CDH13: variants seen among roughly 807,000 people sequenced by gnomAD.
CDH13 encodes cadherin-13.
CDH13 carries 24 observed loss-of-function variants against 63.8 expected under a neutral mutation model. The observed-to-expected ratio is 0.38, with a 90% confidence interval of 0.27 to 0.53. The LOEUF (loss-of-function observed/expected upper bound fraction) is 0.53, where lower values mean the gene tolerates loss of function less well. Among genes scored for constraint, CDH13 ranks in the 20% least tolerant of loss-of-function variants. The pLI is 0.85. For missense variants in CDH13, 1,049 were observed against 903.1 expected, an observed-to-expected ratio of 1.16 and a Z score of -2.07; for synonymous variants, 503 against 355.3, an observed-to-expected ratio of 1.42 and a Z score of -4.67.
chr16:83,311,324 T>C (rs1157123384), intron 5 of CDH13, among the ~76,000 whole-genome samples: 1 of 124,684 alleles, frequency 8.0e-6, no homozygotes, highest in Non-Finnish European at 1.8e-5. Flanking sequence ...GCAAGGAGAT[T>C]GTTAAAAAAA....
At chr16:83,303,538 G>T (rs539974804) in intron 5 of CDH13, among the ~76,000 whole-genome samples, 2 of 152,286 alleles carry the variant, frequency 1.3e-5, no homozygotes, top group African/African-American at 4.8e-5. Flanking sequence ...TTAATTTCCA[G>T]GCTCTTTGTC....
Position 82,969,694 on chromosome 16 carries a change from G to A in CDH13, c.158-62316G>A, listed in dbSNP as rs150158607. ...GCACTGCAGTCATGACAATCAAAAT[G>A]TCTCCGGACATCGTAAAATTACCCC... On this transcript the variant is annotated intron_variant, in intron 2 of 13. Transcript: ENST00000567109. Among the ~76,000 whole-genome samples the A allele has an allele frequency of 1.5e-3, 231 of 152,130 alleles. 1 individual carries two copies. The highest frequency in any genetic ancestry group is 2.4e-3 in the Non-Finnish European group (163 of 67,986).
intron 10 of CDH13, among the ~76,000 whole-genome samples, chr16:83,707,747 C>T (rs1032298918): frequency 7.9e-5 from 11 of 139,608 alleles, no homozygotes; most frequent in South Asian, 2.2e-4. Flanking sequence ...AAATAGAAAG[C>T]GAGAAAGAGG....
At chr16:83,538,194 G>A (rs2075230734) in intron 7 of CDH13, among the ~76,000 whole-genome samples, 1 of 152,184 alleles carries the variant, frequency 6.6e-6, no homozygotes, top group African/African-American at 2.4e-5. Context: ...ATAAAGATTA[G>A]AGGAGGACTT....
At chr16:83,783,619 A>C in intron 13 of CDH13, 147 bp downstream of exon 13, 2 of 732,426 alleles carry the variant, frequency 2.7e-6, no homozygotes, top group African/African-American at 1.7e-5. Context: ...ATGATAGAAC[A>C]TGTTATATGT....
rs140278714 is a variant in CDH13, at chr16:82,830,698, G to A, written c.46-27664G>A. On this transcript the variant is annotated intron_variant, in intron 1 of 13. Coordinates refer to ENST00000567109, the MANE Select transcript of CDH13 (RefSeq NM_001257.5). ...ATGGACTATGTCTGTTTCTTCTAGC[G>A]CTTCATAGCTGTATTGACACATGTT... Among the ~76,000 whole-genome samples, 38 of 152,242 alleles carry A rather than the reference G, an allele frequency of 2.5e-4. 2 individuals carry two copies. Among genetic ancestry groups the A allele is most frequent in the South Asian group, 1.0e-3 (5 of 4,826 alleles).
chr16:83,615,656 G>A (rs552653665), intron 8 of CDH13, among the ~76,000 whole-genome samples: 1 of 152,188 alleles, frequency 6.6e-6, no homozygotes, highest in East Asian at 1.9e-4. Flanking sequence ...TTAAAGAAAT[G>A]GTATTTTTGG....
Position 83,661,248 on chromosome 16 carries a change from G to A in CDH13, c.1102-9542G>A, listed in dbSNP as rs1267120084. Among the ~76,000 whole-genome samples, 5 of 152,002 alleles carry A rather than the reference G, an allele frequency of 3.3e-5. No individual in the cohort carries two copies. The East Asian group carries it at 7.7e-4, about 23-fold the overall frequency. Reference sequence around the variant, plus strand: ...ACACCTATAATTGCAGCACTTTGCGGGACCAAGACAGGAGGATCACTTGAG... The same window carrying A: ...ACACCTATAATTGCAGCACTTTGCGAGACCAAGACAGGAGGATCACTTGAG... On this transcript the variant is annotated intron_variant, in intron 8 of 13. Coordinates refer to ENST00000567109, the MANE Select transcript of CDH13 (RefSeq NM_001257.5).
At chr16:82,801,563 C>T (rs547579478) in intron 1 of CDH13, among the ~76,000 whole-genome samples, 16 of 152,288 alleles carry the variant, frequency 1.1e-4, no homozygotes, top group South Asian at 6.2e-4. Flanking sequence ...TCAAGAACAG[C>T]AAGGTTACTA....
At chr16:83,109,996 C>A (rs900146544) in intron 3 of CDH13, among the ~76,000 whole-genome samples, 1 of 152,162 alleles carries the variant, frequency 6.6e-6, no homozygotes, top group Admixed American at 6.5e-5. Flanking sequence ...AATTTTCATC[C>A]AAAGCGTATG....
chr16:83,181,379 T>A (rs749916068), intron 4 of CDH13, among the ~76,000 whole-genome samples: 3 of 152,194 alleles, frequency 2.0e-5, no homozygotes, highest in Admixed American at 6.5e-5. Context: ...GCTAACAAGC[T>A]GTGGGTGGCT....
At chr16:83,657,097 T>G (rs559178742) in intron 8 of CDH13, among the ~76,000 whole-genome samples, 1 of 152,232 alleles carries the variant, frequency 6.6e-6, no homozygotes, top group Non-Finnish European at 1.5e-5. Context: ...GAATAAGATC[T>G]CAGCCCTGCA....
At chr16:83,135,281 C>T (rs1308187256) in intron 4 of CDH13, among the ~76,000 whole-genome samples, 1 of 152,190 alleles carries the variant, frequency 6.6e-6, no homozygotes, top group African/African-American at 2.4e-5. Context: ...TGCTGAGACC[C>T]AAAACCAAGA....
chr16:82,887,909 C>G (rs954724068), intron 2 of CDH13, among the ~76,000 whole-genome samples: 1 of 152,000 alleles, frequency 6.6e-6, no homozygotes, highest in African/African-American at 2.4e-5. Context: ...AGGTTAAGAA[C>G]GTGTTGAAAA....
intron 1 of CDH13, chr16:82,825,039 C>G (rs931645957): frequency 2.0e-5 from 3 of 152,126 alleles, no homozygotes; most frequent in Admixed American, 6.5e-5. Context: ...GATGTGTGCT[C>G]AGGTGAGCTA....
intron 1 of CDH13, among the ~76,000 whole-genome samples, chr16:82,729,665 A>C (rs2033291678): frequency 6.6e-6 from 1 of 152,180 alleles, no homozygotes. Context: ...ATTGGCTTCA[A>C]CTAAAAGTCA....
intron 6 of CDH13, among the ~76,000 whole-genome samples, chr16:83,447,423 CAAAG>C (rs1172760290): frequency 1.3e-5 from 2 of 151,914 alleles, no homozygotes; most frequent in African/African-American, 4.8e-5. Flanking sequence ...CCCAAAAAAA[CAAAG>C]AAAAAAAAGT....
At chr16:83,457,135 C>T (rs1172687579) in intron 6 of CDH13, among the ~76,000 whole-genome samples, 1 of 152,204 alleles carries the variant, frequency 6.6e-6, no homozygotes, top group African/African-American at 2.4e-5. Context: ...GGCCCAAGCT[C>T]TGCCACGTCC....
chr16:82,666,514 G>C (rs149673764), intron 1 of CDH13, among the ~76,000 whole-genome samples: 96 of 152,278 alleles, frequency 6.3e-4, no homozygotes, highest in Non-Finnish European at 1.2e-3. Context: ...TGTGGAATAG[G>C]CAGTGGGCTA....
Sources: allele counts gnomAD v4.1 joint callset (sites outside exome capture counted in the v4.1 genomes callset), GRCh38; gene constraint gnomAD v4.1.1; transcripts MANE v1.5; gene names NCBI Gene and HGNC (gene_info 2026-07-23, HGNC 2026-07-21).